Variants in STT3B observed in about 807,000 individuals in gnomAD.
STT3B encodes the protein dolichyl-diphosphooligosaccharide--protein glycosyltransferase subunit STT3B.
STT3B carries 29 observed loss-of-function variants against 96.8 expected under a neutral mutation model. The observed-to-expected ratio is 0.30, with a 90% CI of 0.22 to 0.41. The LOEUF is 0.41. Ranked by LOEUF, STT3B falls within the 10% of genes least tolerant of loss-of-function variation. STT3B has a pLI of 1.00. For synonymous variants in STT3B, 367 were observed against 360.0 expected (o/e 1.02, Z -0.22); for missense variants, 640 against 1,022.3 (o/e 0.63, Z 5.10).
chr3:31,600,762 T>G (rs770470373), intron 5 of STT3B, among the ~76,000 whole-genome samples: 3 of 152,104 alleles, frequency 2.0e-5, no homozygotes, highest in Non-Finnish European at 4.4e-5. Context: ...TCGTTCACAT[T>G]TTTTATATCG....
In STT3B at chr3:31,574,813, A is replaced by G. The variant is rs568023561; in HGVS notation, c.315-1583A>G. Among the ~76,000 whole-genome samples the G allele has an allele frequency of 2.0e-5, 3 of 152,230 alleles. No individual in the cohort carries two copies. The South Asian group carries it at 6.2e-4, about 32-fold the overall frequency. On this transcript the variant is annotated intron_variant, in intron 1 of 15. Transcript: ENST00000295770. ...GTAGAAAACCTTTCTCTCTGAATTA[A>G]TGATTTTAAGTTGTACTTCAGTATT...
At chr3:31,597,708 G>A (rs981028844) in intron 4 of STT3B, among the ~76,000 whole-genome samples, 1 of 151,912 alleles carries the variant, frequency 6.6e-6, no homozygotes, top group East Asian at 1.9e-4. Flanking sequence ...ATCCTCCTAC[G>A]TTAGCCTCCC....
In STT3B at chr3:31,552,802, A is replaced by T. The variant is rs1292822618; in HGVS notation, c.314+19490A>T. On this transcript the variant is annotated intron_variant, in intron 1 of 15. Coordinates refer to ENST00000295770, the MANE Select transcript of STT3B (RefSeq NM_178862.3). ...TAGCACCCAGTGTGATACATAAGATAGGCTCTTAAAACCAAATAAGGCCGG... is the reference window on the plus strand; with the variant it reads ...TAGCACCCAGTGTGATACATAAGATTGGCTCTTAAAACCAAATAAGGCCGG... Among the ~76,000 whole-genome samples, 3 of 152,188 alleles carry T rather than the reference A, an allele frequency of 2.0e-5. No individual in the cohort carries two copies. In the East Asian group the frequency reaches 5.8e-4, roughly 29 times the overall value.
intron 1 of STT3B, among the ~76,000 whole-genome samples, chr3:31,574,454 G>T (rs1030246602): frequency 6.6e-6 from 1 of 152,054 alleles, no homozygotes; most frequent in African/African-American, 2.4e-5. Flanking sequence ...GAAGAACTTT[G>T]TCACTTCCAT....
intron 11 of STT3B, among the ~76,000 whole-genome samples, chr3:31,624,670 CT>C (rs35298613): frequency 0.23 from 29,858 of 131,422 alleles, 3,678 homozygotes; most frequent in East Asian, 0.56. Flanking sequence ...TCAGAATCGG[CT>C]TTTTTTTTTT....
At chr3:31,585,376 T>C (rs1245359704) in intron 3 of STT3B, among the ~76,000 whole-genome samples, 1 of 152,140 alleles carries the variant, frequency 6.6e-6, no homozygotes, top group Non-Finnish European at 1.5e-5. Flanking sequence ...GTAATAATTG[T>C]ACCTTCCTTA....
At chr3:31,600,508 T>C in intron 5 of STT3B, 49 bp downstream of exon 5, 1 of 836,914 alleles carries the variant, frequency 1.2e-6, no homozygotes, top group Non-Finnish European at 2.0e-6. Flanking sequence ...TGTTTTGTAT[T>C]CATTCATTTT....
At chr3:31,631,500 T>C (rs1449146391) in intron 14 of STT3B, among the ~76,000 whole-genome samples, 6 of 152,240 alleles carry the variant, frequency 3.9e-5, no homozygotes, top group African/African-American at 1.2e-4. Flanking sequence ...TCAATAGTTT[T>C]AAGCCATGTT....
In STT3B at chr3:31,569,800, T is replaced by A. The variant is rs116748529; in HGVS notation, c.315-6596T>A. ...TAGCTTTATTGGGGGAAAACTATAA[T>A]TGTGTGTGAGAGTATGTGTGAGTGT... On this transcript the variant is annotated intron_variant, in intron 1 of 15. Transcript: ENST00000295770. 4.4e-3 allele frequency among the ~76,000 whole-genome samples: 664 copies of A among 152,180 alleles called. 2 individuals are homozygous for A. Among genetic ancestry groups the A allele is most frequent in the African/African-American group, 0.014 (579 of 41,550 alleles).
chr3:31,611,657 C>T (rs967146255), intron 5 of STT3B, among the ~76,000 whole-genome samples: 11 of 152,126 alleles, frequency 7.2e-5, no homozygotes, highest in African/African-American at 2.7e-4. Context: ...CCACCACACC[C>T]AGCTAATTTT....
At chr3:31,582,226 G>A (rs539541069) in intron 3 of STT3B, among the ~76,000 whole-genome samples, 2 of 150,376 alleles carry the variant, frequency 1.3e-5, no homozygotes, top group South Asian at 4.2e-4. Flanking sequence ...TTTTATCTCT[G>A]TTATAGTCTT....
chr3:31,572,049 A>ATATATTAATATATGATATATTAATG (rs1442439030), intron 1 of STT3B, among the ~76,000 whole-genome samples: 61 of 83,566 alleles, frequency 7.3e-4, no homozygotes, highest in Non-Finnish European at 3.3e-4. Flanking sequence ...ATATATTAAT[A>ATATATTAATATATGATATATTAATG]TATCATATAT....
intron 3 of STT3B, among the ~76,000 whole-genome samples, chr3:31,594,650 G>A (rs1698745881): frequency 1.3e-5 from 2 of 151,922 alleles, no homozygotes; most frequent in African/African-American, 4.8e-5. Flanking sequence ...GGATGGTCTC[G>A]ACCTCGTGAT....
At chr3:31,628,011 T>TA (rs57778335) in intron 13 of STT3B, among the ~76,000 whole-genome samples, 81,174 of 147,130 alleles carry the variant, frequency 0.55, 24,648 homozygotes, top group Non-Finnish European at 0.71. Context: ...CTACCCCCCC[T>TA]AAAAAAAAAA....
intron 5 of STT3B, among the ~76,000 whole-genome samples, chr3:31,611,596 A>G (rs1416803878): frequency 6.6e-6 from 1 of 152,156 alleles, no homozygotes; most frequent in Non-Finnish European, 1.5e-5. Flanking sequence ...TCCCCAGTTC[A>G]AACGATTCTC....
At chr3:31,573,106 T>G (rs1299183792) in intron 1 of STT3B, among the ~76,000 whole-genome samples, 4 of 151,900 alleles carry the variant, frequency 2.6e-5, no homozygotes, top group African/African-American at 9.7e-5. Flanking sequence ...AACGATCCTG[T>G]AACAGGAAGG....
At chr3:31,553,998 A>G (rs1294284664) in intron 1 of STT3B, among the ~76,000 whole-genome samples, 4 of 152,164 alleles carry the variant, frequency 2.6e-5, no homozygotes, top group Admixed American at 2.6e-4. Context: ...AAATATTTGC[A>G]TTATTACAGA....
At chr3:31,571,467 C>T (rs1219093888) in intron 1 of STT3B, among the ~76,000 whole-genome samples, 1 of 152,022 alleles carries the variant, frequency 6.6e-6, no homozygotes, top group Non-Finnish European at 1.5e-5. Flanking sequence ...TTCTCATGCC[C>T]ATCATCTTCT....
intron 1 of STT3B, among the ~76,000 whole-genome samples, chr3:31,540,207 A>G (rs1697230448): frequency 6.6e-6 from 1 of 152,170 alleles, no homozygotes; most frequent in Non-Finnish European, 1.5e-5. Context: ...TTGGAAACAA[A>G]TAGAGCTTTT....
Sources: gnomAD v4.1 joint callset for allele counts (sites outside exome capture counted in the v4.1 genomes callset) on GRCh38, gnomAD v4.1.1 for gene constraint, MANE v1.5 for transcripts, NCBI Gene and HGNC (gene_info 2026-07-23, HGNC 2026-07-21) for gene names.